B3GALT1: variants seen among roughly 807,000 people sequenced by gnomAD.
B3GALT1 encodes UDP-Gal:betaGlcNAc beta 1,3-galactosyltransferase, polypeptide 1.
B3GALT1 carries 10 observed loss-of-function variants against 23.2 expected under a neutral mutation model. The observed-to-expected ratio is 0.43, with a 90% CI of 0.27 to 0.73. The LOEUF (loss-of-function observed/expected upper bound fraction) is 0.73, where lower values mean the gene tolerates loss of function less well. B3GALT1 is among the 30% of genes least tolerant of loss of function. The pLI is 0.21. For missense variants in B3GALT1, 299 were observed against 405.4 expected (o/e 0.74, Z 2.25); for synonymous variants, 156 against 141.5 (o/e 1.10, Z -0.73).
chr2:167,412,466 AAG>A lies in B3GALT1; in HGVS notation c.-510-77708_-510-77707del, dbSNP rs144457105. Among the ~76,000 whole-genome samples, 1,384 of 152,302 alleles carry A rather than the reference AAG, an allele frequency of 9.1e-3. 61 individuals carry two copies. The East Asian group carries it at 0.13, about 14-fold the overall frequency. On this transcript the variant is annotated intron_variant, in intron 1 of 4. Transcript: ENST00000392690. Reference sequence around the variant, plus strand: ...AAAGTCTGGAACAAGCATTTTGCAAAAGAGGATATACAAATAACAAATAAAAA... The same window carrying A: ...AAAGTCTGGAACAAGCATTTTGCAAAAGGATATACAAATAACAAATAAAAA...
chr2:167,750,045 A>C (rs1283312235), intron 3 of B3GALT1, among the ~76,000 whole-genome samples: 1 of 152,222 alleles, frequency 6.6e-6, no homozygotes, highest in African/African-American at 2.4e-5. Context: ...TTTAAATTTT[A>C]GTAGTTATGT....
intron 2 of B3GALT1, among the ~76,000 whole-genome samples, chr2:167,642,474 A>G (rs944121279): frequency 2.0e-5 from 3 of 152,208 alleles, no homozygotes; most frequent in East Asian, 1.9e-4. Flanking sequence ...ACTACAATCT[A>G]TCAGAAGAAA....
At chr2:167,584,849 A>C (rs1684560188) in intron 2 of B3GALT1, among the ~76,000 whole-genome samples, 1 of 152,184 alleles carries the variant, frequency 6.6e-6, no homozygotes. Flanking sequence ...ACCCTCCGGG[A>C]ATCTCCATAT....
intron 2 of B3GALT1, among the ~76,000 whole-genome samples, chr2:167,510,412 T>TG (rs1699988823): frequency 2.1e-5 from 3 of 145,488 alleles, no homozygotes; most frequent in Non-Finnish European, 3.0e-5. Flanking sequence ...GTTTTGTTTT[T>TG]TTTTTTTTTT....
intron 3 of B3GALT1, among the ~76,000 whole-genome samples, chr2:167,808,993 T>G (rs1359321094): frequency 6.6e-6 from 1 of 152,180 alleles, no homozygotes; most frequent in Admixed American, 6.5e-5. Context: ...CTTTTTATTC[T>G]TTTTTCTCTA....
chr2:167,332,360 T>C (rs555963627), intron 1 of B3GALT1, among the ~76,000 whole-genome samples: 131 of 152,346 alleles, frequency 8.6e-4, no homozygotes, highest in Non-Finnish European at 1.7e-3. Context: ...CAGAAATTAC[T>C]GAAGCAATAT....
intron 3 of B3GALT1, among the ~76,000 whole-genome samples, chr2:167,684,550 G>A (rs1371323148): frequency 6.6e-6 from 1 of 152,056 alleles, no homozygotes; most frequent in Admixed American, 6.6e-5. Flanking sequence ...GATTCCATGA[G>A]TCCAAAAAGA....
At chr2:167,320,634 C>T (rs1448796588) in intron 1 of B3GALT1, among the ~76,000 whole-genome samples, 1 of 152,056 alleles carries the variant, frequency 6.6e-6, no homozygotes, top group African/African-American at 2.4e-5. Flanking sequence ...GCCCTCACCC[C>T]AGTTCATAGA....
chr2:167,616,202 C>G (rs140935952), intron 2 of B3GALT1, among the ~76,000 whole-genome samples: 41 of 152,078 alleles, frequency 2.7e-4, no homozygotes, highest in African/African-American at 9.4e-4. Flanking sequence ...AGTAATGATT[C>G]AAATGTTGAA....
chr2:167,696,698 G>A (rs929002948), intron 3 of B3GALT1, among the ~76,000 whole-genome samples: 1 of 152,126 alleles, frequency 6.6e-6, no homozygotes, highest in Non-Finnish European at 1.5e-5. Flanking sequence ...ACAACCTCAA[G>A]CTGGGAATCA....
intron 3 of B3GALT1, among the ~76,000 whole-genome samples, chr2:167,684,083 TC>T (rs1686578309): frequency 6.6e-6 from 1 of 152,214 alleles, no homozygotes; most frequent in East Asian, 1.9e-4. Context: ...CCTGTCTCTA[TC>T]ACAGCACCTA....
At chr2:167,512,751 C>T (rs1412529391) in intron 2 of B3GALT1, among the ~76,000 whole-genome samples, 2 of 147,390 alleles carry the variant, frequency 1.4e-5, no homozygotes, top group Non-Finnish European at 3.0e-5. Flanking sequence ...ATCCTCCCAC[C>T]TCAGCCTCCC....
At chr2:167,730,156 T>C (rs1190292571) in intron 3 of B3GALT1, among the ~76,000 whole-genome samples, 2 of 152,226 alleles carry the variant, frequency 1.3e-5, no homozygotes, top group African/African-American at 4.8e-5. Flanking sequence ...TCTGGCTTAC[T>C]ATATCCGCCG....
At chr2:167,310,528 G>A (rs1696620609) in intron 1 of B3GALT1, among the ~76,000 whole-genome samples, 1 of 152,008 alleles carries the variant, frequency 6.6e-6, no homozygotes, top group Admixed American at 6.6e-5. Flanking sequence ...TTCCAGGCAG[G>A]GTTTTTGGGG....
intron 1 of B3GALT1, among the ~76,000 whole-genome samples, chr2:167,440,306 G>GCACACTCC (rs1269362129): frequency 1.0e-4 from 14 of 137,160 alleles, no homozygotes; most frequent in Non-Finnish European, 2.0e-4. Flanking sequence ...TTGCACCACT[G>GCACACTCC]CACACTCCAT....
chr2:167,406,612 G>A (rs1451190012), intron 1 of B3GALT1, among the ~76,000 whole-genome samples: 1 of 152,156 alleles, frequency 6.6e-6, no homozygotes, highest in South Asian at 2.1e-4. Context: ...CCCAGCAGGA[G>A]ACTTGTCCTT....
rs534556860 is a variant in B3GALT1, at chr2:167,846,537, A to G, written c.-229-22274A>G. Among the ~76,000 whole-genome samples, 59 of 152,334 alleles carry G rather than the reference A, an allele frequency of 3.9e-4. No homozygotes were observed. In the South Asian group the frequency reaches 6.4e-3, roughly 17 times the overall value. On this transcript the variant is annotated intron_variant, in intron 4 of 4. Coordinates refer to ENST00000392690, the MANE Select transcript of B3GALT1 (RefSeq NM_020981.4). ...GAAGGAAAGATAGATAGTCTTTTTC[A>G]GACAAACAAATGATAGAATTCACCA...
intron 2 of B3GALT1, among the ~76,000 whole-genome samples, chr2:167,644,449 G>A (rs1246600096): frequency 2.0e-5 from 3 of 152,098 alleles, no homozygotes; most frequent in African/African-American, 7.2e-5. Context: ...AGTAGCTAAA[G>A]GAAACATTTT....
intron 3 of B3GALT1, among the ~76,000 whole-genome samples, chr2:167,752,249 G>A (rs1007180040): frequency 1.1e-4 from 16 of 151,954 alleles, no homozygotes; most frequent in Admixed American, 6.6e-5. Context: ...GAGTGATGTA[G>A]ACTATTTTTT....
Sources: gnomAD v4.1 joint callset for allele counts (sites outside exome capture counted in the v4.1 genomes callset) on GRCh38, gnomAD v4.1.1 for gene constraint, MANE v1.5 for transcripts, NCBI Gene and HGNC (gene_info 2026-07-23, HGNC 2026-07-21) for gene names.